MAGI2: variants seen among roughly 807,000 people sequenced by gnomAD.
MAGI2 encodes membrane associated guanylate kinase, WW and PDZ domain containing 2.
In MAGI2, 35 loss-of-function variants were observed where a neutral mutation model predicts 133.3. The observed-to-expected ratio is 0.26, with a 90% CI of 0.20 to 0.35. The LOEUF is 0.35. MAGI2 is among the 10% of genes least tolerant of loss of function. MAGI2 has a pLI of 1.00. For missense variants in MAGI2, 1,636 were observed against 1,863.4 expected, an observed-to-expected ratio of 0.88 and a Z score of 2.25; for synonymous variants, 729 against 710.6, an observed-to-expected ratio of 1.03 and a Z score of -0.41.
At chr7:78,403,479 T>C (rs1797089892) in intron 6 of MAGI2, among the ~76,000 whole-genome samples, 1 of 152,282 alleles carries the variant, frequency 6.6e-6, no homozygotes, top group East Asian at 1.9e-4. Flanking sequence ...TGTGTCTTTA[T>C]AGCAGCATGA....
chr7:78,473,438 A>T (rs1791428860), intron 6 of MAGI2, among the ~76,000 whole-genome samples: 1 of 152,090 alleles, frequency 6.6e-6, no homozygotes. Context: ...TACATATGAC[A>T]ATACACTTGC....
intron 9 of MAGI2, among the ~76,000 whole-genome samples, chr7:78,304,292 A>C (rs1798078911): frequency 6.6e-6 from 1 of 152,200 alleles, no homozygotes; most frequent in African/African-American, 2.4e-5. Context: ...TTTCTGACAT[A>C]ATCTCCTATC....
At chr7:78,582,429 A>G (rs1584732054) in intron 3 of MAGI2, among the ~76,000 whole-genome samples, 1 of 152,362 alleles carries the variant, frequency 6.6e-6, no homozygotes, top group East Asian at 1.9e-4. Context: ...TGCACCTGGA[A>G]TTGCACCAAA....
At chr7:79,294,940 G>GTCTCGA (rs1243193625) in intron 1 of MAGI2, among the ~76,000 whole-genome samples, 10 of 150,518 alleles carry the variant, frequency 6.6e-5, no homozygotes, top group Admixed American at 6.6e-4. Flanking sequence ...GGGTTTCACC[G>GTCTCGA]TGTTAGCCAC....
intron 6 of MAGI2, among the ~76,000 whole-genome samples, chr7:78,440,855 A>G (rs1787551655): frequency 6.6e-6 from 1 of 152,138 alleles, no homozygotes; most frequent in Admixed American, 6.5e-5. Flanking sequence ...CGGGAGGCTG[A>G]GGTGGGAGAA....
At chr7:78,979,288 A>G (rs1484126631) in intron 2 of MAGI2, among the ~76,000 whole-genome samples, 14 of 151,752 alleles carry the variant, frequency 9.2e-5, no homozygotes, top group Admixed American at 9.2e-4. Flanking sequence ...TTGGGGCAGG[A>G]ATTATATAAG....
intron 2 of MAGI2, among the ~76,000 whole-genome samples, chr7:78,835,631 T>A (rs1375499719): frequency 1.3e-5 from 2 of 152,046 alleles, no homozygotes; most frequent in Admixed American, 1.3e-4. Context: ...GTTTGCCATA[T>A]CATTCCTCAC....
intron 21 of MAGI2, among the ~76,000 whole-genome samples, chr7:78,040,695 C>A (rs989947820): frequency 3.3e-5 from 5 of 152,174 alleles, no homozygotes; most frequent in African/African-American, 9.6e-5. Flanking sequence ...GGTCAGGTGG[C>A]AATCGGGATG....
chr7:78,071,407 C>G (rs1814681853), intron 21 of MAGI2, among the ~76,000 whole-genome samples: 1 of 152,106 alleles, frequency 6.6e-6, no homozygotes, highest in East Asian at 1.9e-4. Flanking sequence ...CATGGTGGTG[C>G]ATACCTGTAG....
chr7:79,011,924 C>CCTTCCTTTCTTTCTTTCTTTCTTTCTTT (rs1413880167), intron 1 of MAGI2, among the ~76,000 whole-genome samples: 55 of 121,280 alleles, frequency 4.5e-4, no homozygotes, highest in South Asian at 3.5e-3. Context: ...TTCCTTCCTT[C>CCTTCCTTTCTTTCTTTCTTTCTTTCTTT]CTTTCTTTCT....
intron 12 of MAGI2, among the ~76,000 whole-genome samples, chr7:78,192,280 G>A (rs1828293741): frequency 1.3e-5 from 2 of 152,020 alleles, no homozygotes. Context: ...TAAATGTTAT[G>A]CATGTGATTC....
chr7:78,767,784 CTAATT>C (rs1339459650), intron 2 of MAGI2, among the ~76,000 whole-genome samples: 1 of 152,178 alleles, frequency 6.6e-6, no homozygotes, highest in African/African-American at 2.4e-5. Flanking sequence ...TTACGAATAA[CTAATT>C]TATTCTTGGG....
At chr7:79,431,429 T>C (rs992045270) in intron 1 of MAGI2, among the ~76,000 whole-genome samples, 2 of 152,180 alleles carry the variant, frequency 1.3e-5, no homozygotes, top group African/African-American at 4.8e-5. Flanking sequence ...ATAATATTTG[T>C]TCTAAAAATT....
intron 2 of MAGI2, among the ~76,000 whole-genome samples, chr7:78,943,043 A>G (rs1167220749): frequency 6.6e-6 from 1 of 152,130 alleles, no homozygotes; most frequent in African/African-American, 2.4e-5. Context: ...GAAATAGTTG[A>G]ATAAGCATGG....
chr7:78,403,204 A>G (rs562350977), intron 6 of MAGI2, among the ~76,000 whole-genome samples: 15 of 151,830 alleles, frequency 9.9e-5, no homozygotes, highest in Non-Finnish European at 1.3e-4. Context: ...CCTGTGTCCA[A>G]GTGTTCTCAT....
chr7:78,599,129 A>G (rs1247787094), intron 3 of MAGI2, among the ~76,000 whole-genome samples: 1 of 152,152 alleles, frequency 6.6e-6, no homozygotes, highest in Non-Finnish European at 1.5e-5. Context: ...TGGCACCACT[A>G]AAATCTGTTC....
chr7:79,328,175 C>T (rs1029916888), intron 1 of MAGI2, among the ~76,000 whole-genome samples: 4 of 152,146 alleles, frequency 2.6e-5, no homozygotes, highest in Non-Finnish European at 5.9e-5. Context: ...ATAGCTTCTA[C>T]ATTATTAATA....
chr7:78,765,431 C>T (rs1824926926), intron 2 of MAGI2, among the ~76,000 whole-genome samples: 1 of 139,042 alleles, frequency 7.2e-6, no homozygotes, highest in Non-Finnish European at 1.5e-5. Flanking sequence ...TCACTGCAAC[C>T]TCTGCCTCCC....
chr7:78,056,568 C>T (rs1173056042), intron 21 of MAGI2, among the ~76,000 whole-genome samples: 2 of 151,988 alleles, frequency 1.3e-5, no homozygotes, highest in South Asian at 4.1e-4. Context: ...GACACAGGTA[C>T]AGAAAACCAA....
Sources: allele counts gnomAD v4.1 joint callset (sites outside exome capture counted in the v4.1 genomes callset), GRCh38; gene constraint gnomAD v4.1.1; transcripts MANE v1.5; gene names NCBI Gene and HGNC (gene_info 2026-07-23, HGNC 2026-07-21).